Variants in POLR3B observed in about 807,000 individuals in gnomAD.
POLR3B encodes DNA-directed RNA polymerase III subunit RPC2.
POLR3B carries 96 observed loss-of-function variants against 147.4 expected under a neutral mutation model. The observed-to-expected ratio is 0.65, with a 90% confidence interval of 0.55 to 0.77. The LOEUF (loss-of-function observed/expected upper bound fraction) is 0.77, where lower values mean the gene tolerates loss of function less well. POLR3B is among the 30% of genes least tolerant of loss of function. The pLI is 0.00. For missense variants in POLR3B, 1,036 were observed against 1,413.5 expected (o/e 0.73, Z 4.28); for synonymous variants, 461 against 485.9 (o/e 0.95, Z 0.67).
rs2037541313 is a variant in POLR3B, at chr12:106,433,846, T to A, written c.1755T>A (p.Ile585=). 6.2e-7 allele frequency: 1 copy of A among 1,613,724 alleles called. No homozygotes were observed. The highest frequency in any genetic ancestry group is 1.3e-5 in the African/African-American group (1 of 75,032). The stretch of plus-strand genomic sequence containing the variant: ...ATCTTACAGATCGATGTGTCTATAT[T>A]TCTTCTGATGGGGGAAGGCTATGCA... ...STNLTDRCVY[I]SSDGGRLCRP... is the part of the protein sequence containing the mutation. The change falls in exon 16 of 28, where the codon ATT becomes ATA. Residue 585 remains isoleucine, a synonymous_variant. Transcript: ENST00000228347.
intron 11 of POLR3B, among the ~76,000 whole-genome samples, chr12:106,407,677 A>G (rs1412317622): frequency 6.6e-6 from 1 of 152,190 alleles, no homozygotes; most frequent in Non-Finnish European, 1.5e-5. Context: ...TAAAAACACA[A>G]AATTAGCCAG....
At chr12:106,431,348 CA>C in intron 14 of POLR3B, among the ~76,000 whole-genome samples, 1 of 152,272 alleles carries the variant, frequency 6.6e-6, no homozygotes, top group Non-Finnish European at 1.5e-5. Flanking sequence ...AACTTTGAAA[CA>C]TTTCATTTCC....
chr12:106,378,144 G>A, intron 7 of POLR3B, 123 bp from the exon 8 acceptor site: 1 of 760,984 alleles, frequency 1.3e-6, no homozygotes, highest in Non-Finnish European at 2.4e-6. Context: ...TGAATCAAGT[G>A]TTAGCCAGTG....
chr12:106,368,238 G>A (rs2036558357), intron 4 of POLR3B, among the ~76,000 whole-genome samples: 1 of 151,446 alleles, frequency 6.6e-6, no homozygotes, highest in Non-Finnish European at 1.5e-5. Flanking sequence ...ATCCCAGATT[G>A]GGAATCCAAG....
intron 11 of POLR3B, among the ~76,000 whole-genome samples, chr12:106,406,697 G>C (rs755479193): frequency 6.6e-5 from 10 of 152,158 alleles, no homozygotes; most frequent in Non-Finnish European, 1.5e-4. Context: ...CCTTGAACTA[G>C]TATGTAATAT....
chr12:106,461,851 G>A (rs777205967), intron 22 of POLR3B, among the ~76,000 whole-genome samples: 2 of 152,084 alleles, frequency 1.3e-5, no homozygotes, highest in African/African-American at 2.4e-5. Context: ...GATGACTCTT[G>A]AACCTCATCT....
chr12:106,479,026 T>G (rs933508078), intron 23 of POLR3B, among the ~76,000 whole-genome samples: 2 of 152,298 alleles, frequency 1.3e-5, no homozygotes, highest in African/African-American at 4.8e-5. Flanking sequence ...CTGGAAGCTT[T>G]TACTATCTTC....
At chr12:106,377,981 G>A (rs1332097416) in intron 7 of POLR3B, among the ~76,000 whole-genome samples, 2 of 152,112 alleles carry the variant, frequency 1.3e-5, no homozygotes, top group South Asian at 2.1e-4. Context: ...CTAGCTACTC[G>A]GGAGACTGGG....
intron 10 of POLR3B, among the ~76,000 whole-genome samples, chr12:106,401,436 G>C (rs2037065460): frequency 6.6e-6 from 1 of 152,188 alleles, no homozygotes; most frequent in South Asian, 2.1e-4. Flanking sequence ...AATAGAAAAA[G>C]AGGGAATCCT....
At chr12:106,462,363 T>A (rs541596393) in intron 22 of POLR3B, among the ~76,000 whole-genome samples, 4 of 152,226 alleles carry the variant, frequency 2.6e-5, no homozygotes, top group Non-Finnish European at 4.4e-5. Flanking sequence ...TTCTCTTGCC[T>A]TAGCCTCCTG....
At chr12:106,374,800 G>A (rs1048610597) in intron 6 of POLR3B, among the ~76,000 whole-genome samples, 1 of 152,148 alleles carries the variant, frequency 6.6e-6, no homozygotes, top group Non-Finnish European at 1.5e-5. Flanking sequence ...ACAGGCGTGA[G>A]CCACCGCACC....
intron 1 of POLR3B, 97 bp from the exon 2 acceptor site, chr12:106,363,773 A>C: frequency 1.0e-6 from 1 of 992,946 alleles, no homozygotes; most frequent in Non-Finnish European, 1.6e-6. Flanking sequence ...TTTTGTTTTG[A>C]TTTACTTTCC....
intron 8 of POLR3B, among the ~76,000 whole-genome samples, chr12:106,379,818 A>G (rs1338206406): frequency 2.0e-5 from 3 of 152,190 alleles, no homozygotes; most frequent in Non-Finnish European, 2.9e-5. Context: ...CATAATCTCA[A>G]AGTCAAAGAA....
chr12:106,375,674 G>C (rs2036667936), intron 6 of POLR3B, among the ~76,000 whole-genome samples: 1 of 152,072 alleles, frequency 6.6e-6, no homozygotes, highest in African/African-American at 2.4e-5. Flanking sequence ...ATTTTGCTCA[G>C]TTCTTTTTCC....
chr12:106,466,581 C>T (rs1419644254), intron 23 of POLR3B, among the ~76,000 whole-genome samples: 1 of 151,952 alleles, frequency 6.6e-6, no homozygotes, highest in Non-Finnish European at 1.5e-5. Context: ...TTTTATGATC[C>T]TAGGTCTTAT....
At chr12:106,406,117 A>G in intron 11 of POLR3B, 141 bp downstream of exon 11, 2 of 797,142 alleles carry the variant, frequency 2.5e-6, no homozygotes, top group Non-Finnish European at 4.2e-6. Flanking sequence ...CCCATCAGAA[A>G]TAACCTTCCA....
chr12:106,444,474 A>T lies in POLR3B; in HGVS notation c.1967A>T (p.His656Leu), dbSNP rs763755551. ...YEHTINKDTT[H>L]LEIEPFTLLG... is the part of the protein sequence containing the mutation. The stretch of plus-strand genomic sequence containing the variant: ...ACTTAACTTGTTAGAGACACCACCC[A>T]CTTGGAGATTGAACCCTTCACTCTT... Residue 656 changes from histidine (H) to leucine (L), a missense_variant, in exon 19 of 28, where the codon CAC becomes CTC. Around this residue, in one of 12 missense-constraint regions of POLR3B, gnomAD observed 177 missense variants for 232.7 expected, o/e 0.76. Transcript: ENST00000228347. 2 of 1,613,764 alleles carry T rather than the reference A, an allele frequency of 1.2e-6. No individual in the cohort carries two copies. Among genetic ancestry groups the T allele is most frequent in the Admixed American group, 3.3e-5 (2 of 59,972 alleles).
chr12:106,376,712 G>C (rs1426311499), intron 7 of POLR3B, among the ~76,000 whole-genome samples: 2 of 151,054 alleles, frequency 1.3e-5, no homozygotes, highest in Non-Finnish European at 2.9e-5. Flanking sequence ...CTGCCTCCCA[G>C]GCTCAAGCAA....
intron 19 of POLR3B, among the ~76,000 whole-genome samples, chr12:106,451,636 G>A (rs202188040): frequency 3.6e-5 from 5 of 139,174 alleles, no homozygotes; most frequent in South Asian, 5.1e-4. Flanking sequence ...AAAAAGGCGG[G>A]GGGGGAGGAG....
Sources: gnomAD v4.1 joint callset for allele counts (sites outside exome capture counted in the v4.1 genomes callset) on GRCh38, gnomAD v4.1.1 for gene constraint, gnomAD v4.1.1 regional missense constraint, MANE v1.5 for transcripts, NCBI Gene and HGNC (gene_info 2026-07-23, HGNC 2026-07-21) for gene names.